The following PRKCB variants were observed in gnomAD, a reference collection of about 807,000 sequenced individuals.
PRKCB encodes protein kinase C beta type.
A neutral mutation model predicts 81.5 loss-of-function variants in PRKCB; 13 were observed. The observed-to-expected ratio is 0.16, with a 90% CI of 0.10 to 0.25. The LOEUF (loss-of-function observed/expected upper bound fraction) is 0.25, where lower values mean the gene tolerates loss of function less well. PRKCB is among the 10% of genes least tolerant of loss of function. The pLI, the probability that PRKCB is intolerant of heterozygous loss-of-function variation, is 1.00. For missense variants in PRKCB, 509 were observed against 875.7 expected (o/e 0.58, Z 5.29); for synonymous variants, 335 against 321.4 (o/e 1.04, Z -0.45).
chr16:24,217,637 G>A lies in PRKCB; in HGVS notation c.*2821G>A, dbSNP rs565638706. 1 of 985,496 alleles carries A rather than the reference G, an allele frequency of 1.0e-6. No homozygotes were observed. The highest frequency in any genetic ancestry group is 4.7e-5 in the South Asian group (1 of 21,292). 61.0% of individuals were successfully genotyped at this position (985,496 alleles called of 1,614,324 possible). On this transcript the variant is annotated 3_prime_UTR_variant, in exon 17 of 17. Coordinates refer to ENST00000643927, the MANE Select transcript of PRKCB (RefSeq NM_002738.7). ...TCCTGTCTGGACCATGTGGTTATCT[G>A]AAGCATTAGCCATCACCAGCACAAC...
chr16:24,183,079 C>G (rs917552428), intron 13 of PRKCB, among the ~76,000 whole-genome samples: 1 of 151,908 alleles, frequency 6.6e-6, no homozygotes. Context: ...CCAGGATGGT[C>G]GCGATCTCCT....
intron 2 of PRKCB, among the ~76,000 whole-genome samples, chr16:23,853,441 A>T (rs576373887): frequency 3.3e-5 from 5 of 152,344 alleles, no homozygotes; most frequent in Non-Finnish European, 7.3e-5. Context: ...ACTTCTGCTC[A>T]CATTCTATTT....
At chr16:23,986,953 G>A (rs1268598618) in intron 2 of PRKCB, among the ~76,000 whole-genome samples, 1 of 152,046 alleles carries the variant, frequency 6.6e-6, no homozygotes, top group Non-Finnish European at 1.5e-5. Context: ...TCAAAGATAA[G>A]GATTCTATAA....
intron 2 of PRKCB, among the ~76,000 whole-genome samples, chr16:23,853,843 T>G (rs56818147): frequency 0.15 from 23,373 of 150,992 alleles, 2,032 homozygotes; most frequent in Admixed American, 0.26. Context: ...TATTAATCCA[T>G]TCTCATGCTG....
intron 16 of PRKCB, among the ~76,000 whole-genome samples, chr16:24,195,761 G>A (rs892343782): frequency 1.4e-4 from 22 of 152,234 alleles, no homozygotes; most frequent in Non-Finnish European, 2.1e-4. Context: ...CCCCAGTCTC[G>A]TATCTATTGC....
Position 24,047,616 on chromosome 16 carries a change from G to T in PRKCB, c.529+12069G>T, listed in dbSNP as rs116365847. On this transcript the variant is annotated intron_variant, in intron 5 of 16. Transcript: ENST00000643927. Reference sequence around the variant, plus strand: ...GGAGGAGGCTGGATTTGTACCCTGGGTCCATCTGTCTGGCAGGTTCTAACA... The same window carrying T: ...GGAGGAGGCTGGATTTGTACCCTGGTTCCATCTGTCTGGCAGGTTCTAACA... 2.3e-3 allele frequency among the ~76,000 whole-genome samples: 351 copies of T among 152,152 alleles called. 2 individuals are homozygous for T. Among genetic ancestry groups the T allele is most frequent in the African/African-American group, 8.1e-3 (335 of 41,522 alleles).
At chr16:24,191,449 A>G (rs1967792637) in intron 16 of PRKCB, 1 of 471,836 alleles carries the variant, frequency 2.1e-6, no homozygotes, top group Admixed American at 3.9e-5. Flanking sequence ...GACGATGCCT[A>G]TTGAATTTTT....
intron 3 of PRKCB, among the ~76,000 whole-genome samples, chr16:24,031,732 G>T (rs1389201545): frequency 6.6e-6 from 1 of 152,160 alleles, no homozygotes; most frequent in Non-Finnish European, 1.5e-5. Context: ...TTTGATCACT[G>T]CAGAAGCATG....
At chr16:24,014,708 G>A (rs954921715) in intron 3 of PRKCB, among the ~76,000 whole-genome samples, 3 of 152,220 alleles carry the variant, frequency 2.0e-5, no homozygotes, top group Admixed American at 6.5e-5. Flanking sequence ...TATATATGAT[G>A]TGCCAGGCAC....
At chr16:23,944,162 A>G (rs1374660231) in intron 2 of PRKCB, among the ~76,000 whole-genome samples, 2 of 152,186 alleles carry the variant, frequency 1.3e-5, no homozygotes, top group South Asian at 2.1e-4. Context: ...CAAATAATCT[A>G]TGAGAGGGAC....
At chr16:24,190,363 CTTG>C (rs536171049) in intron 15 of PRKCB, among the ~76,000 whole-genome samples, 1 of 152,094 alleles carries the variant, frequency 6.6e-6, no homozygotes, top group Non-Finnish European at 1.5e-5. Context: ...CTCCAGTTTT[CTTG>C]TTGTGGGAGG....
At chr16:24,164,817 A>G (rs1967318253) in intron 10 of PRKCB, among the ~76,000 whole-genome samples, 1 of 152,228 alleles carries the variant, frequency 6.6e-6, no homozygotes, top group Admixed American at 6.5e-5. Context: ...TTAGAGTCCA[A>G]CAAATAAGCC....
chr16:24,159,071 C>G (rs1967214039), intron 10 of PRKCB, among the ~76,000 whole-genome samples: 1 of 152,220 alleles, frequency 6.6e-6, no homozygotes, highest in Non-Finnish European at 1.5e-5. Flanking sequence ...GTGCTCTAAT[C>G]TAGCCATGGT....
chr16:23,976,959 A>G (rs999548368), intron 2 of PRKCB, among the ~76,000 whole-genome samples: 3 of 152,178 alleles, frequency 2.0e-5, no homozygotes, highest in Non-Finnish European at 4.4e-5. Context: ...CAACTGTTTT[A>G]TCTTGCTTAG....
chr16:24,124,540 A>G (rs2283542), intron 9 of PRKCB, among the ~76,000 whole-genome samples: 16,904 of 152,170 alleles, frequency 0.11, 1,709 homozygotes, highest in African/African-American at 0.27. Flanking sequence ...CCAAGAATGG[A>G]AACGGTTCCT....
chr16:23,991,696 C>T (rs998351799), intron 3 of PRKCB, among the ~76,000 whole-genome samples: 10 of 152,184 alleles, frequency 6.6e-5, no homozygotes, highest in Admixed American at 6.5e-4. Context: ...ACCTGTTTCT[C>T]CCCTTCTTGG....
intron 2 of PRKCB, among the ~76,000 whole-genome samples, chr16:23,874,272 C>T (rs1177151901): frequency 6.6e-6 from 1 of 152,190 alleles, no homozygotes; most frequent in Non-Finnish European, 1.5e-5. Flanking sequence ...CCACCTAGTC[C>T]GTGTGCCTTA....
At chr16:23,840,109 A>C (rs889300681) in intron 2 of PRKCB, among the ~76,000 whole-genome samples, 3 of 152,148 alleles carry the variant, frequency 2.0e-5, no homozygotes, top group Non-Finnish European at 2.9e-5. Context: ...AACATATAGG[A>C]AAGAGGGAAA....
At chr16:24,053,834 G>A (rs879533415) in intron 5 of PRKCB, among the ~76,000 whole-genome samples, 15 of 152,322 alleles carry the variant, frequency 9.8e-5, no homozygotes, top group Non-Finnish European at 2.1e-4. Flanking sequence ...GTCAAGGGAA[G>A]GGAGCAGGAG....
Sources: allele counts gnomAD v4.1 joint callset (sites outside exome capture counted in the v4.1 genomes callset), GRCh38; gene constraint gnomAD v4.1.1; transcripts MANE v1.5; gene names NCBI Gene and HGNC (gene_info 2026-07-23, HGNC 2026-07-21).